TBK1: variants seen among roughly 807,000 people sequenced by gnomAD.
The protein encoded by TBK1 is TANK binding kinase 1.
A neutral mutation model predicts 99.9 loss-of-function variants in TBK1; 37 were observed. The ratio of observed to expected loss-of-function variants is 0.37; its 90% CI spans 0.28 to 0.49. TBK1 has a LOEUF of 0.49. TBK1 is among the 20% of genes least tolerant of loss of function. TBK1 has a pLI of 0.98. For missense variants in TBK1, 644 were observed against 872.5 expected (o/e 0.74, Z 3.30); for synonymous variants, 258 against 279.8 (o/e 0.92, Z 0.78).
chr12:64,456,352 T>G (rs1454237066), intron 2 of TBK1, among the ~76,000 whole-genome samples: 1 of 152,166 alleles, frequency 6.6e-6, no homozygotes, highest in East Asian at 1.9e-4. Context: ...GGAGGGGAAC[T>G]CACAGGTGTT....
Position 64,455,930 on chromosome 12 carries a change from T to C in TBK1, c.60T>C (p.Thr20=). ...CTGATATTTTAGGCCAAGGAGCTAC[T>C]GCAAATGTCTTTCGTGGAAGACATA... ...LLSDILGQGA[T]ANVFRGRHKK... The change falls in exon 2 of 21, where the codon ACT becomes ACC. Residue 20 remains threonine (T), a synonymous_variant. Coordinates refer to ENST00000331710, the MANE Select transcript of TBK1 (RefSeq NM_013254.4). The C allele has an allele frequency of 6.2e-7, 1 of 1,613,906 alleles. No homozygotes were observed. The highest frequency in any genetic ancestry group is 1.7e-5 in the Admixed American group (1 of 59,962).
intron 20 of TBK1, among the ~76,000 whole-genome samples, chr12:64,498,734 T>C (rs1028126312): frequency 2.0e-5 from 3 of 152,144 alleles, no homozygotes; most frequent in Non-Finnish European, 4.4e-5. Flanking sequence ...GGCAGGCAGA[T>C]TGCCTGAGCT....
chr12:64,460,662 C>T (rs1335594139), intron 3 of TBK1, among the ~76,000 whole-genome samples: 4 of 151,642 alleles, frequency 2.6e-5, no homozygotes, highest in African/African-American at 7.3e-5. Flanking sequence ...GGTGAAACCC[C>T]GTCTCTACTA....
In TBK1 at chr12:64,485,438, T is replaced by A. The variant is rs1164743452; in HGVS notation, c.1190-17T>A. ...CAAAAAGTTTTCTTTCTCATTTTAT[T>A]TTACTTCATATTTCAGTTTCCCTCC... On this transcript the variant is annotated splice_polypyrimidine_tract_variant and intron_variant, in intron 9 of 20. Coordinates refer to ENST00000331710, the MANE Select transcript of TBK1 (RefSeq NM_013254.4). The A allele has an allele frequency of 7.1e-7, 1 of 1,414,458 alleles. No homozygotes were observed. 87.6% of individuals were successfully genotyped at this position (1,414,458 alleles called of 1,614,324 possible).
intron 2 of TBK1, among the ~76,000 whole-genome samples, chr12:64,456,455 G>A (rs1254685680): frequency 6.6e-6 from 1 of 151,242 alleles, no homozygotes. Context: ...AAGGAGCCCA[G>A]GTTGAAAAGA....
In TBK1 at chr12:64,457,057, C is replaced by T. The variant is rs61933195; in HGVS notation, c.87+1100C>T. Among the ~76,000 whole-genome samples the T allele has an allele frequency of 3.3e-5, 5 of 151,990 alleles. No individual in the cohort carries two copies. The South Asian group carries it at 6.2e-4, about 19-fold the overall frequency. On this transcript the variant is annotated intron_variant, in intron 2 of 20. Coordinates refer to ENST00000331710, the MANE Select transcript of TBK1 (RefSeq NM_013254.4). ...ATTTTTCAGTGCTATGAATTTGTTT[C>T]GAGCTAAATGATGTTTGGAGCTTCC...
Position 64,454,670 on chromosome 12 carries a change from ATCT to A in TBK1, c.-31-1168_-31-1166del, listed in dbSNP as rs1398282243. ...GCCTTGAATATTGCTAGAAACTCAGATCTTTTTTTTTTTTTTTTTTTTTTGAGA... is the reference window on the plus strand; with the variant it reads ...GCCTTGAATATTGCTAGAAACTCAGATTTTTTTTTTTTTTTTTTTTTGAGA... On this transcript the variant is annotated intron_variant, in intron 1 of 20. Transcript: ENST00000331710. 1.0e-3 allele frequency among the ~76,000 whole-genome samples: 104 copies of A among 101,786 alleles called. 2 individuals carry two copies. Among genetic ancestry groups the A allele is most frequent in the Non-Finnish European group, 1.9e-3 (98 of 51,598 alleles). The allele number at this position is 101,786 out of a possible 152,430, so 66.8% of individuals were successfully genotyped here.
chr12:64,452,446 C>T (rs1334135665), intron 1 of TBK1: 1 of 152,364 alleles, frequency 6.6e-6, no homozygotes, highest in Admixed American at 6.5e-5. Context: ...GGCCCTGTTA[C>T]CTGCATCCCC....
At chr12:64,490,248 C>A in intron 13 of TBK1, 129 bp downstream of exon 13, 1 of 518,246 alleles carries the variant, frequency 1.9e-6, no homozygotes, top group Non-Finnish European at 3.4e-6. Flanking sequence ...CTCAGGAGGC[C>A]GAGGCAGGAG....
intron 13 of TBK1, among the ~76,000 whole-genome samples, chr12:64,491,646 T>G (rs1388248667): frequency 6.6e-6 from 1 of 151,998 alleles, no homozygotes; most frequent in Non-Finnish European, 1.5e-5. Context: ...AATAAATATA[T>G]TGTAATCTTG....
intron 20 of TBK1, among the ~76,000 whole-genome samples, chr12:64,499,749 G>A (rs1250796447): frequency 1.4e-5 from 2 of 145,122 alleles, no homozygotes; most frequent in African/African-American, 2.6e-5. Context: ...CCAGGCGGGA[G>A]TGCAGTGGCG....
In TBK1 at chr12:64,484,481, GGATTAATATATGAAAAAA is replaced by G; in HGVS notation, c.1173_1189+1del. The G allele has an allele frequency of 6.3e-7, 1 of 1,594,826 alleles. No homozygotes were observed. Among genetic ancestry groups the G allele is most frequent in the Non-Finnish European group, 8.5e-7 (1 of 1,174,390 alleles). ...AAGCCGGGAACCTCTGAATACCATAGGATTAATATATGAAAAAAGTAAGTTGGGATTTTTCTTGTCGTT... is the reference window on the plus strand; with the variant it reads ...AAGCCGGGAACCTCTGAATACCATAGGTAAGTTGGGATTTTTCTTGTCGTT... On this transcript the variant is annotated inframe_deletion and splice_region_variant, in exon 9 of 21. Coordinates refer to ENST00000331710, the MANE Select transcript of TBK1 (RefSeq NM_013254.4).
Position 64,497,215 on chromosome 12 carries a change from G to C in TBK1, c.1915G>C (p.Asp639His), listed in dbSNP as rs778577820. Residue 639 changes from aspartate (D) to histidine (H), a missense_variant, in exon 18 of 21, where the codon GAT (aspartate) becomes CAT (histidine). Around this residue, in one of 3 missense-constraint regions of TBK1, gnomAD observed 465 missense variants for 588.0 expected, o/e 0.79. Transcript: ENST00000331710. ...ATTATCGCTGACTAATCAGTGTTTT[G>C]ATATTGAAGAAGAAGTATCAAAATA... ...QLLSLTNQCF[D>H]IEEEVSKYQE... 2 of 1,598,020 alleles carry C rather than the reference G, an allele frequency of 1.3e-6. No individual in the cohort carries two copies. The highest frequency in any genetic ancestry group is 1.7e-6 in the Non-Finnish European group (2 of 1,171,048).
At chr12:64,490,457 T>TA (rs1344639560) in intron 13 of TBK1, among the ~76,000 whole-genome samples, 2 of 152,064 alleles carry the variant, frequency 1.3e-5, no homozygotes, top group Non-Finnish European at 2.9e-5. Context: ...TAAATAATCT[T>TA]ACTGCCTTGA....
intron 13 of TBK1, among the ~76,000 whole-genome samples, chr12:64,495,191 G>A (rs1298921992): frequency 6.6e-6 from 1 of 152,162 alleles, no homozygotes; most frequent in Non-Finnish European, 1.5e-5. Context: ...ACTTTTTACA[G>A]ATAAGGAAAC....
chr12:64,470,406 A>T (rs2040650754), intron 5 of TBK1, among the ~76,000 whole-genome samples: 1 of 152,206 alleles, frequency 6.6e-6, no homozygotes, highest in African/African-American at 2.4e-5. Context: ...GCTTGCAGCT[A>T]TATGTAATAC....
chr12:64,488,437 G>GA (rs973262325), intron 11 of TBK1, 50 bp from the exon 12 acceptor site: 11 of 1,166,244 alleles, frequency 9.4e-6, no homozygotes, highest in East Asian at 2.7e-5. Flanking sequence ...GTGATAGATA[G>GA]AAAAAATAAC....
intron 20 of TBK1, among the ~76,000 whole-genome samples, chr12:64,498,984 T>G (rs1422972041): frequency 6.6e-6 from 1 of 150,652 alleles, no homozygotes; most frequent in Non-Finnish European, 1.5e-5. Flanking sequence ...ATGGAATTTT[T>G]GGGTCAGAGA....
chr12:64,488,525 A>G lies in TBK1; in HGVS notation c.1379A>G (p.Lys460Arg). The G allele has an allele frequency of 3.1e-6, 5 of 1,603,192 alleles. No homozygotes were observed. Among genetic ancestry groups the G allele is most frequent in the Non-Finnish European group, 4.2e-6 (5 of 1,176,476 alleles). The part of the protein sequence containing the change: ...IKDDYNETVH[K>R]KTEVVITLDF... ...GATGATTACAATGAAACTGTTCACA[A>G]AAAGACAGAAGTTGTGATCACATTG... The change falls in exon 12 of 21, where the codon AAA becomes AGA. Residue 460 changes from lysine (K) to arginine (R), a missense_variant. Lys to Arg is a conservative substitution (Grantham distance 26). This residue lies in a region of TBK1 where 465 missense variants were observed against 588.0 expected (regional missense o/e 0.79). Coordinates refer to ENST00000331710, the MANE Select transcript of TBK1 (RefSeq NM_013254.4).
Sources: gnomAD v4.1 joint callset for allele counts (sites outside exome capture counted in the v4.1 genomes callset) on GRCh38, gnomAD v4.1.1 for gene constraint, gnomAD v4.1.1 regional missense constraint, MANE v1.5 for transcripts, NCBI Gene and HGNC (gene_info 2026-07-23, HGNC 2026-07-21) for gene names.